The following HDAC9 variants were observed in gnomAD, a reference collection of about 807,000 sequenced individuals.
HDAC9 encodes histone deacetylase 9.
A neutral mutation model predicts 139.4 loss-of-function variants in HDAC9; 41 were observed. That is an observed-to-expected ratio of 0.29 (90% CI 0.23 to 0.38). HDAC9 has a LOEUF of 0.38. Ranked by LOEUF, HDAC9 falls within the 10% of genes least tolerant of loss-of-function variation. The probability of loss-of-function intolerance (pLI) is 1.00; values close to 1 mark genes in which losing one functional copy is unlikely to be tolerated. For synonymous variants in HDAC9, 517 were observed against 476.2 expected, an observed-to-expected ratio of 1.09 and a Z score of -1.12; for missense variants, 1,147 against 1,297.0, an observed-to-expected ratio of 0.88 and a Z score of 1.78.
intron 2 of HDAC9, among the ~76,000 whole-genome samples, chr7:18,583,159 G>T (rs1828348544): frequency 6.6e-6 from 1 of 151,800 alleles, no homozygotes; most frequent in African/African-American, 2.4e-5. Context: ...ACTTACTATT[G>T]ATGGTTTATT....
intron 12 of HDAC9, among the ~76,000 whole-genome samples, chr7:18,694,389 G>C (rs1437388806): frequency 6.6e-6 from 1 of 152,060 alleles, no homozygotes; most frequent in Non-Finnish European, 1.5e-5. Flanking sequence ...CAGTCAAGGA[G>C]CTATCTCATT....
intron 11 of HDAC9, among the ~76,000 whole-genome samples, chr7:18,657,789 T>C (rs1378570820): frequency 1.3e-5 from 2 of 152,154 alleles, no homozygotes; most frequent in African/African-American, 2.4e-5. Context: ...AACCAAATCA[T>C]GTTATGGTTA....
At chr7:18,717,660 A>T (rs1335390875) in intron 12 of HDAC9, among the ~76,000 whole-genome samples, 1 of 152,120 alleles carries the variant, frequency 6.6e-6, no homozygotes, top group African/African-American at 2.4e-5. Context: ...CCAACTCCTG[A>T]CTTCAGGTGA....
chr7:18,455,704 C>T (rs1051536169), intron 1 of HDAC9, among the ~76,000 whole-genome samples: 6 of 152,282 alleles, frequency 3.9e-5, no homozygotes, highest in African/African-American at 1.2e-4. Flanking sequence ...AATAGATTCA[C>T]AGCACAGTTG....
At chr7:18,530,184 A>T (rs1450798672) in intron 2 of HDAC9, among the ~76,000 whole-genome samples, 1 of 152,050 alleles carries the variant, frequency 6.6e-6, no homozygotes, top group Non-Finnish European at 1.5e-5. Context: ...AGGTGGAAGG[A>T]TTGGGGAGGT....
At chr7:18,667,017 T>C in intron 12 of HDAC9, 1 of 985,502 alleles carries the variant, frequency 1.0e-6, no homozygotes, top group Non-Finnish European at 1.2e-6. Context: ...CTCTCTTTTT[T>C]TAGTTAAGTA....
At chr7:18,762,423 C>A in intron 15 of HDAC9, 146 bp downstream of exon 15, 1 of 744,302 alleles carries the variant, frequency 1.3e-6, no homozygotes, top group Non-Finnish European at 2.1e-6. Flanking sequence ...GAGTCATTTG[C>A]AACAGAAGCC....
chr7:18,728,421 ACAC>A (rs1486277658), intron 13 of HDAC9, among the ~76,000 whole-genome samples: 1 of 151,012 alleles, frequency 6.6e-6, no homozygotes, highest in African/African-American at 2.5e-5. Context: ...ACACACACAC[ACAC>A]ACACACACAC....
intron 6 of HDAC9, among the ~76,000 whole-genome samples, chr7:18,613,826 TC>T (rs1382532712): frequency 6.6e-6 from 1 of 152,116 alleles, no homozygotes; most frequent in Non-Finnish European, 1.5e-5. Context: ...TTCTCAGGCT[TC>T]CTTTTTCTCT....
intron 20 of HDAC9, 55 bp from the exon 21 acceptor site, chr7:18,835,845 C>G (rs778271640): frequency 5.0e-5 from 62 of 1,238,306 alleles, no homozygotes; most frequent in Middle Eastern, 1.9e-4. Context: ...TCTCTTCTTG[C>G]TTTCTTCCAT....
At position 18,832,828 on chromosome 7, in the gene HDAC9, C is replaced by T. The variant is rs540643358; in HGVS notation, c.2467-2639C>T. On this transcript the variant is annotated intron_variant, in intron 19 of 25. Transcript: ENST00000686413. ...TCGGCTCACCGCAACCTCCACCTCC[C>T]GGGTTCAAGCGATTCTCCTGCCTCA... 1.5e-4 allele frequency among the ~76,000 whole-genome samples: 23 copies of T among 152,166 alleles called. 2 individuals carry two copies. Among genetic ancestry groups the T allele is most frequent in the South Asian group, 1.5e-3 (7 of 4,816 alleles).
intron 2 of HDAC9, among the ~76,000 whole-genome samples, chr7:18,163,263 C>G (rs1787779311): frequency 6.6e-6 from 1 of 152,140 alleles, no homozygotes; most frequent in Admixed American, 6.6e-5. Flanking sequence ...AACTTGTATG[C>G]TGAATTTGGA....
chr7:18,227,823 G>A (rs1793166381), intron 2 of HDAC9, among the ~76,000 whole-genome samples: 1 of 152,064 alleles, frequency 6.6e-6, no homozygotes, highest in African/African-American at 2.4e-5. Context: ...ACTTTTGTTT[G>A]CATTCTTGAT....
intron 24 of HDAC9, among the ~76,000 whole-genome samples, chr7:18,965,478 A>G (rs1260979142): frequency 1.3e-5 from 2 of 152,232 alleles, no homozygotes; most frequent in Non-Finnish European, 2.9e-5. Flanking sequence ...CTTCTACCAG[A>G]AACAGATCCT....
intron 6 of HDAC9, among the ~76,000 whole-genome samples, chr7:18,601,433 T>G (rs1833910033): frequency 6.6e-6 from 1 of 152,188 alleles, no homozygotes; most frequent in South Asian, 2.1e-4. Context: ...TTACTTTATT[T>G]CTTCATTCCC....
At chr7:18,452,486 C>G (rs1302099145) in intron 1 of HDAC9, among the ~76,000 whole-genome samples, 1 of 152,044 alleles carries the variant, frequency 6.6e-6, no homozygotes, top group Non-Finnish European at 1.5e-5. Context: ...GAAGACCTGC[C>G]ATTTGCATAG....
chr7:18,622,713 A>G (rs1200486837), intron 6 of HDAC9, among the ~76,000 whole-genome samples: 1 of 152,130 alleles, frequency 6.6e-6, no homozygotes, highest in African/African-American at 2.4e-5. Flanking sequence ...TATAATATTA[A>G]CACAATGGAA....
intron 7 of HDAC9, 80 bp from the exon 8 acceptor site, chr7:18,634,547 C>A: frequency 1.2e-6 from 1 of 819,538 alleles, no homozygotes; most frequent in Non-Finnish European, 2.0e-6. Flanking sequence ...ATAACATGCC[C>A]AATGTTACAT....
chr7:18,329,498 G>A (rs541572592), intron 1 of HDAC9, among the ~76,000 whole-genome samples: 115 of 151,158 alleles, frequency 7.6e-4, no homozygotes, highest in African/African-American at 2.6e-3. Flanking sequence ...GGTAAGTGTC[G>A]GCTTAAGAGT....
Sources: gnomAD v4.1 joint callset for allele counts (sites outside exome capture counted in the v4.1 genomes callset) on GRCh38, gnomAD v4.1.1 for gene constraint, MANE v1.5 for transcripts, NCBI Gene and HGNC (gene_info 2026-07-23, HGNC 2026-07-21) for gene names.